The following NT5C3A variants were observed in gnomAD, a reference collection of about 807,000 sequenced individuals.
NT5C3A encodes 5'-nucleotidase, cytosolic IIIA.
Under a neutral mutation model 40.0 loss-of-function variants are expected in NT5C3A, and 23 were observed. The ratio of observed to expected loss-of-function variants is 0.58; its 90% CI spans 0.41 to 0.81. The LOEUF (loss-of-function observed/expected upper bound fraction) is 0.81. Among genes scored for constraint, NT5C3A ranks in the 40% least tolerant of loss-of-function variants. The probability of loss-of-function intolerance (pLI) is 0.00; values close to 1 mark genes in which losing one functional copy is unlikely to be tolerated. For synonymous variants in NT5C3A, 130 were observed against 141.4 expected (o/e 0.92, Z 0.57); for missense variants, 328 against 403.0 (o/e 0.81, Z 1.59).
chr7:33,026,657 A>ATT (rs34317509), intron 2 of NT5C3A, among the ~76,000 whole-genome samples, 160 bp downstream of exon 2: 3 of 136,214 alleles, frequency 2.2e-5, no homozygotes, highest in Admixed American at 7.4e-5. Context: ...ATGCCCGGCC[A>ATT]TTTTTTTTTT....
intron 1 of NT5C3A, among the ~76,000 whole-genome samples, chr7:33,056,327 T>C (rs752480870): frequency 9.3e-5 from 14 of 150,998 alleles, no homozygotes; most frequent in East Asian, 1.9e-4. Flanking sequence ...TAGATAAAAA[T>C]TGAGATATGG....
intron 1 of NT5C3A, among the ~76,000 whole-genome samples, chr7:33,055,335 A>C (rs1470695108): frequency 1.3e-5 from 2 of 152,004 alleles, no homozygotes; most frequent in Non-Finnish European, 2.9e-5. Flanking sequence ...AAAAAAAAGA[A>C]GACAGAAGCT....
At chr7:33,024,735 G>A (rs1359047536) in intron 2 of NT5C3A, among the ~76,000 whole-genome samples, 2 of 152,162 alleles carry the variant, frequency 1.3e-5, no homozygotes, top group East Asian at 1.9e-4. Context: ...AATATTAGAA[G>A]TGGCAGATAT....
Position 33,014,847 on chromosome 7 carries a change from AC to A in NT5C3A, c.895-17del, listed in dbSNP as rs774954141. 6.2e-7 allele frequency: 1 copy of A among 1,602,756 alleles called. No individual in the cohort carries two copies. Among genetic ancestry groups the A allele is most frequent in the Admixed American group, 1.7e-5 (1 of 59,970 alleles). ...GCTCATCCACCTAATCAAGAGATGA[AC>A]AAAAGAAAATTAACATGCAGGGCAA... On this transcript the variant is annotated splice_polypyrimidine_tract_variant and intron_variant, in intron 8 of 8. Transcript: ENST00000610140.
At chr7:33,026,503 C>T (rs1029040542) in intron 2 of NT5C3A, among the ~76,000 whole-genome samples, 12 of 151,802 alleles carry the variant, frequency 7.9e-5, no homozygotes, top group Admixed American at 2.6e-4. Context: ...TACAGGCATG[C>T]GCCACCAGGC....
At position 33,014,757 on chromosome 7, in the gene NT5C3A, G is replaced by C; in HGVS notation, c.969C>G (p.Ala323=). 6.2e-7 allele frequency: 1 copy of C among 1,612,578 alleles called. No homozygotes were observed. Among genetic ancestry groups the C allele is most frequent in the Non-Finnish European group, 8.5e-7 (1 of 1,179,732 alleles). The change falls in exon 9 of 9, where the codon GCC becomes GCG. Residue 323 remains alanine (A), a synonymous_variant. Coordinates refer to ENST00000610140, the MANE Select transcript of NT5C3A (RefSeq NM_001002010.5). Reference sequence around the variant, plus strand: ...ATAGAATCTTCTGTAAAATAGAGTTGGCTACTTCTAATGATTCATCTTGTA... The same window carrying C: ...ATAGAATCTTCTGTAAAATAGAGTTCGCTACTTCTAATGATTCATCTTGTA... ...VLVQDESLEV[A]NSILQKIL is the part of the protein sequence containing the mutation.
In NT5C3A at chr7:33,024,078, T is replaced by G. The variant is rs766577643; in HGVS notation, c.268A>C (p.Arg90=). Residue 90 remains arginine (R), a synonymous_variant, in exon 3 of 9, where the codon AGA becomes CGA. Coordinates refer to ENST00000610140, the MANE Select transcript of NT5C3A (RefSeq NM_001002010.5). ...IITDFDMTLS[R]FSYKGKRCPT... ...CATCTTTTCCCTTTATATGAAAATC[T>G]ACTGAGTGTCATATCAAAGTCCGTT... The G allele has an allele frequency of 3.2e-6, 5 of 1,585,216 alleles. No homozygotes were observed. The highest frequency in any genetic ancestry group is 1.7e-6 in the Non-Finnish European group (2 of 1,154,242).
intron 6 of NT5C3A, among the ~76,000 whole-genome samples, chr7:33,018,014 T>C (rs941009562): frequency 1.3e-5 from 2 of 152,202 alleles, no homozygotes; most frequent in Non-Finnish European, 2.9e-5. Flanking sequence ...ACCCTGTCTC[T>C]AAAATGAAAT....
At chr7:33,058,598 G>A (rs1027838169) in intron 1 of NT5C3A, among the ~76,000 whole-genome samples, 20 of 152,178 alleles carry the variant, frequency 1.3e-4, no homozygotes, top group South Asian at 2.1e-4. Flanking sequence ...TGATCCACCC[G>A]CCTTGGCCTC....
chr7:33,020,622 A>T (rs1785572614), intron 5 of NT5C3A, among the ~76,000 whole-genome samples: 1 of 152,176 alleles, frequency 6.6e-6, no homozygotes, highest in South Asian at 2.1e-4. Flanking sequence ...ATAAAGACAA[A>T]TCATTCCTGG....
intron 1 of NT5C3A, among the ~76,000 whole-genome samples, chr7:33,049,425 A>C (rs537069835): frequency 7.9e-4 from 120 of 152,178 alleles, no homozygotes; most frequent in African/African-American, 2.6e-3. Context: ...TTCAAAGACC[A>C]CCCCATTCCC....
In NT5C3A at chr7:33,019,637, G is replaced by A. The variant is rs1785516840; in HGVS notation, c.528C>T (p.Leu176=). The part of the protein sequence containing the change: ...KEIVAESDVM[L]KEGYENFFDK... ...CAAAAAACATCCAAGAAACTTACTT[G>A]AGCATAACGTCAGATTCTGCCACAA... is the stretch of plus-strand genomic sequence containing the variant. Residue 176 remains leucine, a splice_region_variant and synonymous_variant, in exon 6 of 9, where the codon CTC becomes CTT. Coordinates refer to ENST00000610140, the MANE Select transcript of NT5C3A (RefSeq NM_001002010.5). The A allele has an allele frequency of 6.3e-7, 1 of 1,575,418 alleles. No homozygotes were observed. The highest frequency in any genetic ancestry group is 1.1e-5 in the South Asian group (1 of 90,250).
Position 33,045,855 on chromosome 7 carries a change from G to C in NT5C3A, c.138+16713C>G, listed in dbSNP as rs562051417. On this transcript the variant is annotated intron_variant, in intron 1 of 8. Transcript: ENST00000610140. ...TAGTACGGTGGCTATTCACAGGCAT[G>C]ACCCCACCACTGATCAGCTTAGGAG... The C allele has an allele frequency of 2.6e-5, 4 of 152,124 alleles. No individual in the cohort carries two copies. The South Asian group carries it at 8.3e-4, about 32-fold the overall frequency. The allele number at this position is 152,124 out of a possible 1,614,324, so 9.4% of individuals were successfully genotyped here. A position where few individuals can be genotyped will look rare whatever the true frequency, so the allele number is the denominator to read the frequency against.
At chr7:33,043,298 A>G (rs1443876573) in intron 1 of NT5C3A, among the ~76,000 whole-genome samples, 1 of 152,242 alleles carries the variant, frequency 6.6e-6, no homozygotes, top group Non-Finnish European at 1.5e-5. Flanking sequence ...ATACAAGTAT[A>G]GGAAAGTTTA....
intron 1 of NT5C3A, among the ~76,000 whole-genome samples, chr7:33,032,865 C>T (rs763261440): frequency 3.9e-5 from 6 of 152,178 alleles, no homozygotes; most frequent in Non-Finnish European, 7.3e-5. Flanking sequence ...TAGATCCTCC[C>T]ACCTTAGCCT....
At chr7:33,030,564 G>A (rs1029302981) in intron 1 of NT5C3A, among the ~76,000 whole-genome samples, 1 of 152,176 alleles carries the variant, frequency 6.6e-6, no homozygotes, top group Non-Finnish European at 1.5e-5. Context: ...AAGCCGCAGC[G>A]TAAAATGTTG....
At chr7:33,059,065 A>G (rs1787677419) in intron 1 of NT5C3A, among the ~76,000 whole-genome samples, 1 of 152,146 alleles carries the variant, frequency 6.6e-6, no homozygotes, top group Non-Finnish European at 1.5e-5. Flanking sequence ...AGCTTTCAGC[A>G]TCTTTACTGA....
chr7:33,036,103 T>C, intron 1 of NT5C3A: 1 of 791,834 alleles, frequency 1.3e-6, no homozygotes, highest in Non-Finnish European at 2.2e-6. Flanking sequence ...GAATTTTTGG[T>C]ATGACTTATT....
intron 1 of NT5C3A, among the ~76,000 whole-genome samples, chr7:33,044,915 T>C (rs114938761): frequency 0.012 from 1,799 of 152,286 alleles, 38 homozygotes; most frequent in African/African-American, 0.04. Context: ...TAAACAAAGG[T>C]ACTGCATTAA....
Sources: gnomAD v4.1 joint callset for allele counts (sites outside exome capture counted in the v4.1 genomes callset) on GRCh38, gnomAD v4.1.1 for gene constraint, MANE v1.5 for transcripts, NCBI Gene and HGNC (gene_info 2026-07-23, HGNC 2026-07-21) for gene names.